Variants in PIGU observed in about 807,000 individuals in gnomAD.
PIGU encodes phosphatidylinositol glycan anchor biosynthesis class U.
In PIGU, 24 loss-of-function variants were observed where a neutral mutation model predicts 49.9. The observed-to-expected ratio is 0.48, with a 90% CI of 0.35 to 0.68. The LOEUF (loss-of-function observed/expected upper bound fraction) is 0.68, where lower values mean the gene tolerates loss of function less well. Among genes scored for constraint, PIGU ranks in the 30% least tolerant of loss-of-function variants. PIGU has a pLI of 0.01. For synonymous variants in PIGU, 220 were observed against 205.7 expected (o/e 1.07, Z -0.59); for missense variants, 490 against 532.6 (o/e 0.92, Z 0.79).
intron 7 of PIGU, among the ~76,000 whole-genome samples, chr20:34,592,704 G>A (rs1329726868): frequency 6.6e-6 from 1 of 152,070 alleles, no homozygotes; most frequent in African/African-American, 2.4e-5. Flanking sequence ...ATCCTATAAA[G>A]GTCACATATA....
At chr20:34,676,859 G>T in intron 1 of PIGU, 97 bp downstream of exon 1, 1 of 1,516,534 alleles carries the variant, frequency 6.6e-7, no homozygotes, top group Non-Finnish European at 8.9e-7. Context: ...AGTTCTCTAG[G>T]AACCGCGCGC....
At chr20:34,671,101 C>A (rs145405807) in intron 1 of PIGU, among the ~76,000 whole-genome samples, 9 of 152,188 alleles carry the variant, frequency 5.9e-5, no homozygotes, top group Non-Finnish European at 1.3e-4. Context: ...TCACCTTGGG[C>A]AAATGACTTA....
intron 1 of PIGU, 140 bp downstream of exon 1, chr20:34,676,816 G>A (rs902513603): frequency 1.4e-4 from 25 of 183,308 alleles, no homozygotes; most frequent in Admixed American, 4.8e-4. Context: ...CTCAGGCCCC[G>A]CCCTCTCCAA....
intron 9 of PIGU, 113 bp from the exon 10 acceptor site, chr20:34,581,785 G>A: frequency 7.4e-7 from 1 of 1,358,604 alleles, no homozygotes; most frequent in Non-Finnish European, 1.0e-6. Flanking sequence ...ACTTCAGGAA[G>A]GGGCTGGCTC....
At chr20:34,588,411 TC>T (rs1568627978) in intron 8 of PIGU, 41 bp downstream of exon 8, 3 of 1,574,120 alleles carry the variant, frequency 1.9e-6, no homozygotes, top group Non-Finnish European at 2.6e-6. Flanking sequence ...GGTTCCCTTT[TC>T]CCCACAGCTT....
chr20:34,566,127 A>G (rs1045672556), intron 11 of PIGU, among the ~76,000 whole-genome samples: 2 of 152,172 alleles, frequency 1.3e-5, no homozygotes, highest in African/African-American at 4.8e-5. Context: ...CCTGCTCAGA[A>G]GTTCCCTGGC....
intron 10 of PIGU, among the ~76,000 whole-genome samples, chr20:34,580,118 G>A (rs1983399171): frequency 6.6e-6 from 1 of 152,212 alleles, no homozygotes; most frequent in African/African-American, 2.4e-5. Context: ...GACAGTCACT[G>A]AGAGAGAAAG....
rs759103027 is a variant in PIGU, at chr20:34,655,968, CTTTTTTT to C, written c.195+1205_195+1211del. Among the ~76,000 whole-genome samples, 73 of 76,774 alleles carry C rather than the reference CTTTTTTT, an allele frequency of 9.5e-4. 13 individuals are homozygous for C. In the East Asian group the frequency reaches 0.021, roughly 22 times the overall value. The allele number at this position is 76,774 out of a possible 152,430, so 50.4% of individuals were successfully genotyped here. On this transcript the variant is annotated intron_variant, in intron 2 of 11. Transcript: ENST00000217446. Reference sequence around the variant, plus strand: ...CCTAATTAAGAGTGTTTTCACTATTCTTTTTTTTTTTTTTTTTTTTTTTGAGATGGAG... The same window carrying C: ...CCTAATTAAGAGTGTTTTCACTATTCTTTTTTTTTTTTTTTTGAGATGGAG...
rs1163816483 is a variant in PIGU, at chr20:34,590,994, C to A, written c.628-2387G>T. On this transcript the variant is annotated intron_variant, in intron 7 of 11. Coordinates refer to ENST00000217446, the MANE Select transcript of PIGU (RefSeq NM_080476.5). ...CGAGATTGCACCACTGCACTCCAGCCTGGGCGACAGAGCGAGACTCCGTCT... is the reference window on the plus strand; with the variant it reads ...CGAGATTGCACCACTGCACTCCAGCATGGGCGACAGAGCGAGACTCCGTCT... Among the ~76,000 whole-genome samples, 4 of 150,884 alleles carry A rather than the reference C, an allele frequency of 2.7e-5. No homozygotes were observed. The Admixed American group carries it at 2.7e-4, about 10-fold the overall frequency.
chr20:34,622,984 C>T (rs568763055), intron 6 of PIGU, among the ~76,000 whole-genome samples: 33 of 152,160 alleles, frequency 2.2e-4, no homozygotes, highest in African/African-American at 6.5e-4. Flanking sequence ...TCAGCAAGAC[C>T]GGGGGTAATA....
At chr20:34,602,207 G>T (rs981866639) in intron 7 of PIGU, among the ~76,000 whole-genome samples, 1 of 151,706 alleles carries the variant, frequency 6.6e-6, no homozygotes, top group Non-Finnish European at 1.5e-5. Flanking sequence ...GCTTGAACCC[G>T]GGAGGCAGAG....
chr20:34,582,962 A>C (rs1315163367), intron 9 of PIGU, among the ~76,000 whole-genome samples: 1 of 152,130 alleles, frequency 6.6e-6, no homozygotes, highest in Non-Finnish European at 1.5e-5. Flanking sequence ...CCTCAGCTAC[A>C]TTTCAACCAC....
chr20:34,631,404 G>A (rs1158564942), intron 6 of PIGU, among the ~76,000 whole-genome samples: 2 of 151,888 alleles, frequency 1.3e-5, no homozygotes, highest in African/African-American at 4.8e-5. Context: ...AAGTTGTTCA[G>A]GAACACCCTC....
In PIGU at chr20:34,603,912, C is replaced by A. The variant is rs1271346608; in HGVS notation, c.627+12130G>T. Among the ~76,000 whole-genome samples the A allele has an allele frequency of 2.0e-5, 3 of 149,708 alleles. No individual in the cohort carries two copies. In the East Asian group the frequency reaches 5.9e-4, roughly 29 times the overall value. ...CACCACACCCCTACAGGGGACCAGG[C>A]AGGTAACAAACAAGTGAAGGTGAGA... On this transcript the variant is annotated intron_variant, in intron 7 of 11. Coordinates refer to ENST00000217446, the MANE Select transcript of PIGU (RefSeq NM_080476.5).
At chr20:34,564,892 G>C (rs1178194287) in intron 11 of PIGU, among the ~76,000 whole-genome samples, 2 of 152,194 alleles carry the variant, frequency 1.3e-5, no homozygotes, top group African/African-American at 2.4e-5. Context: ...CACAGCCCTG[G>C]GTGTCATCAG....
chr20:34,594,947 C>T (rs1439980822), intron 7 of PIGU, among the ~76,000 whole-genome samples: 2 of 151,514 alleles, frequency 1.3e-5, no homozygotes, highest in African/African-American at 2.4e-5. Flanking sequence ...AAAAAATTAG[C>T]CGGGCATGGT....
At chr20:34,565,080 C>T (rs1982686758) in intron 11 of PIGU, among the ~76,000 whole-genome samples, 2 of 152,230 alleles carry the variant, frequency 1.3e-5, no homozygotes, top group Non-Finnish European at 2.9e-5. Flanking sequence ...ACAGCAGCTG[C>T]AGACCCAGAG....
chr20:34,620,364 G>A (rs1048306187), intron 6 of PIGU, among the ~76,000 whole-genome samples: 2 of 152,086 alleles, frequency 1.3e-5, no homozygotes, highest in African/African-American at 2.4e-5. Context: ...TTCTCTGCCC[G>A]CTTTCTAGTA....
intron 1 of PIGU, among the ~76,000 whole-genome samples, chr20:34,676,024 T>TAAA (rs10711315): frequency 7.5e-6 from 1 of 132,604 alleles, no homozygotes; most frequent in Non-Finnish European, 1.6e-5. Flanking sequence ...TGTACTTCAG[T>TAAA]AAAAAAAAAA....
Sources: gnomAD v4.1 joint callset for allele counts (sites outside exome capture counted in the v4.1 genomes callset) on GRCh38, gnomAD v4.1.1 for gene constraint, MANE v1.5 for transcripts, NCBI Gene and HGNC (gene_info 2026-07-23, HGNC 2026-07-21) for gene names.